ASTN2: variants seen among roughly 807,000 people sequenced by gnomAD.
The protein encoded by ASTN2 is astrotactin 2, also known as astrotactin-2.
ASTN2 carries 54 observed loss-of-function variants against 139.8 expected under a neutral mutation model. The ratio of observed to expected loss-of-function variants is 0.39; its 90% CI spans 0.31 to 0.48. The LOEUF is 0.48. Among genes scored for constraint, ASTN2 ranks in the 20% least tolerant of loss-of-function variants. The pLI is 0.95. For missense variants in ASTN2, 1,565 were observed against 1,725.1 expected (o/e 0.91, Z 1.64); for synonymous variants, 756 against 719.5 (o/e 1.05, Z -0.81).
At chr9:117,318,592 A>C (rs1039726863) in intron 1 of ASTN2, among the ~76,000 whole-genome samples, 3 of 152,194 alleles carry the variant, frequency 2.0e-5, no homozygotes, top group Admixed American at 6.5e-5. Context: ...CACTCTGAAG[A>C]ATAAGCCACA....
At chr9:116,623,457 GC>G (rs1856278658) in intron 17 of ASTN2, among the ~76,000 whole-genome samples, 1 of 152,076 alleles carries the variant, frequency 6.6e-6, no homozygotes, top group Non-Finnish European at 1.5e-5. Context: ...TCATAAGGCT[GC>G]AGAAGCCAGC....
At chr9:117,002,779 G>A (rs957826502) in intron 7 of ASTN2, among the ~76,000 whole-genome samples, 7 of 152,090 alleles carry the variant, frequency 4.6e-5, no homozygotes, top group African/African-American at 4.8e-5. Context: ...TGAACCTCCC[G>A]CCTTGCTCCA....
At chr9:116,583,838 CAG>C (rs985769980) in intron 19 of ASTN2, 2 of 152,146 alleles carry the variant, frequency 1.3e-5, no homozygotes, top group Admixed American at 6.5e-5. Flanking sequence ...GAATTTACAT[CAG>C]AGAGTCACTG....
At chr9:116,552,425 G>C (rs1335161824) in intron 19 of ASTN2, among the ~76,000 whole-genome samples, 1 of 152,178 alleles carries the variant, frequency 6.6e-6, no homozygotes, top group Admixed American at 6.5e-5. Flanking sequence ...AACAGGTAAA[G>C]GTAAAACATT....
chr9:116,517,264 C>T (rs1312736617), intron 19 of ASTN2, among the ~76,000 whole-genome samples: 2 of 152,250 alleles, frequency 1.3e-5, no homozygotes, highest in Non-Finnish European at 2.9e-5. Context: ...GTCCACTTCA[C>T]TACCCTGCTA....
Position 116,965,138 on chromosome 9 carries a change from T to C in ASTN2, c.1889+10070A>G, listed in dbSNP as rs556948503. The stretch of plus-strand genomic sequence containing the variant: ...TGCTTTCCCCAGCTTAGTCTGTTTG[T>C]AGTCTCAGAAACCTTCCCAGCATAA... On this transcript the variant is annotated intron_variant, in intron 10 of 22. Coordinates refer to ENST00000313400, the MANE Select transcript of ASTN2 (RefSeq NM_001365068.1). 2.6e-4 allele frequency among the ~76,000 whole-genome samples: 39 copies of C among 152,322 alleles called. No homozygotes were observed. The South Asian group carries it at 5.0e-3, about 19-fold the overall frequency.
chr9:116,744,513 A>T (rs1829182812), intron 13 of ASTN2, among the ~76,000 whole-genome samples: 1 of 152,170 alleles, frequency 6.6e-6, no homozygotes. Flanking sequence ...AGTAATCCAG[A>T]CAAGACATAA....
chr9:117,186,774 C>G lies in ASTN2; in HGVS notation c.1015+27584G>C, dbSNP rs183316445. 3.5e-3 allele frequency among the ~76,000 whole-genome samples: 537 copies of G among 152,130 alleles called. 5 individuals carry two copies. The highest frequency in any genetic ancestry group is 6.2e-3 in the Non-Finnish European group (419 of 67,994). On this transcript the variant is annotated intron_variant, in intron 3 of 22. Coordinates refer to ENST00000313400, the MANE Select transcript of ASTN2 (RefSeq NM_001365068.1). The stretch of plus-strand genomic sequence containing the variant: ...TAAACAAGAAGCAGACAGCATGGGA[C>G]AAAACAGACACAATTCTTAAAGATG...
At chr9:116,965,412 C>G (rs1331606033) in intron 10 of ASTN2, among the ~76,000 whole-genome samples, 1 of 152,160 alleles carries the variant, frequency 6.6e-6, no homozygotes, top group Admixed American at 6.5e-5. Flanking sequence ...ACAGACTTCT[C>G]TAGGATTTTT....
intron 1 of ASTN2, among the ~76,000 whole-genome samples, chr9:117,320,456 T>C (rs1341730391): frequency 1.3e-5 from 2 of 152,174 alleles, no homozygotes; most frequent in Non-Finnish European, 2.9e-5. Context: ...TATAGGATTA[T>C]ATTTGCTGCT....
intron 10 of ASTN2, among the ~76,000 whole-genome samples, chr9:116,967,664 C>T (rs1928980): frequency 0.27 from 40,652 of 152,078 alleles, 5,688 homozygotes; most frequent in Admixed American, 0.36. Context: ...GTCAGTTTTG[C>T]TCACCTCCAA....
At chr9:116,873,288 G>T (rs1286126011) in intron 10 of ASTN2, among the ~76,000 whole-genome samples, 1 of 152,192 alleles carries the variant, frequency 6.6e-6, no homozygotes, top group Non-Finnish European at 1.5e-5. Flanking sequence ...TGCTTTATAA[G>T]GATTTCTTGA....
chr9:116,707,029 C>T (rs1033522164), intron 16 of ASTN2, among the ~76,000 whole-genome samples: 6 of 151,768 alleles, frequency 4.0e-5, no homozygotes, highest in Admixed American at 3.9e-4. Flanking sequence ...GTGACTGTCA[C>T]GAGGCTCAGA....
intron 2 of ASTN2, among the ~76,000 whole-genome samples, chr9:117,254,846 T>C (rs1438922951): frequency 6.6e-6 from 1 of 152,222 alleles, no homozygotes; most frequent in Non-Finnish European, 1.5e-5. Context: ...TCCTTTCTGT[T>C]CCTTTCCATT....
chr9:116,527,289 G>T (rs1413906115), intron 19 of ASTN2, among the ~76,000 whole-genome samples: 1 of 151,924 alleles, frequency 6.6e-6, no homozygotes, highest in African/African-American at 2.4e-5. Context: ...TCTGATAAGG[G>T]GCTAATATCT....
At chr9:117,309,826 C>T (rs987400077) in intron 1 of ASTN2, among the ~76,000 whole-genome samples, 5 of 152,060 alleles carry the variant, frequency 3.3e-5, no homozygotes, top group African/African-American at 1.2e-4. Flanking sequence ...GAGGTACCCC[C>T]TTAATTGCTC....
At chr9:116,914,401 C>G (rs1341346309) in intron 10 of ASTN2, among the ~76,000 whole-genome samples, 9 of 151,968 alleles carry the variant, frequency 5.9e-5, no homozygotes, top group Non-Finnish European at 1.3e-4. Flanking sequence ...CATCTAATTC[C>G]TGAGTCTTTT....
At chr9:117,242,849 C>T (rs1833256093) in intron 2 of ASTN2, among the ~76,000 whole-genome samples, 1 of 152,224 alleles carries the variant, frequency 6.6e-6, no homozygotes, top group East Asian at 1.9e-4. Flanking sequence ...GGGAACTCCA[C>T]TCTGTGTGTC....
intron 13 of ASTN2, among the ~76,000 whole-genome samples, chr9:116,785,512 T>C (rs1027022928): frequency 1.3e-5 from 2 of 152,188 alleles, no homozygotes; most frequent in African/African-American, 2.4e-5. Context: ...GTATAAATGA[T>C]TGCAATGTTT....
Sources: allele counts gnomAD v4.1 joint callset (sites outside exome capture counted in the v4.1 genomes callset), GRCh38; gene constraint gnomAD v4.1.1; transcripts MANE v1.5; gene names NCBI Gene and HGNC (gene_info 2026-07-23, HGNC 2026-07-21).